L3HYPDH: variants seen among roughly 807,000 people sequenced by gnomAD.
L3HYPDH encodes trans-3-hydroxy-L-proline dehydratase.
Under a neutral mutation model 26.5 loss-of-function variants are expected in L3HYPDH, and 32 were observed. The ratio of observed to expected loss-of-function variants is 1.21; its 90% confidence interval spans 0.91 to 1.62. The LOEUF is 1.62. L3HYPDH is among the 40% of genes most tolerant of loss of function. The probability of loss-of-function intolerance (pLI) is 0.00; values close to 1 mark genes in which losing one functional copy is unlikely to be tolerated. For synonymous variants in L3HYPDH, 215 were observed against 196.6 expected (o/e 1.09, Z -0.78); for missense variants, 554 against 476.4 (o/e 1.16, Z -1.52).
intron 1 of L3HYPDH, among the ~76,000 whole-genome samples, chr14:59,479,562 G>A (rs1889871425): frequency 6.6e-6 from 1 of 152,150 alleles, no homozygotes; most frequent in Non-Finnish European, 1.5e-5. Context: ...GATGATTGCA[G>A]AAGTTATAAA....
intron 2 of L3HYPDH, 48 bp from the exon 3 acceptor site, chr14:59,476,262 A>G (rs1446130489): frequency 1.5e-6 from 2 of 1,371,398 alleles, no homozygotes; most frequent in African/African-American, 1.5e-5. Flanking sequence ...ATTTTGATTC[A>G]AATTTATAAA....
downstream of L3HYPDH, among the ~76,000 whole-genome samples, chr14:59,468,105 T>C (rs1365814340): frequency 6.6e-6 from 1 of 152,196 alleles, no homozygotes; most frequent in Admixed American, 6.5e-5. Flanking sequence ...CTCTTCTAAT[T>C]AGGCCAGTGT....
intron 1 of L3HYPDH, among the ~76,000 whole-genome samples, chr14:59,467,505 C>T (rs189571582): frequency 6.6e-6 from 1 of 152,310 alleles, no homozygotes; most frequent in Non-Finnish European, 1.5e-5. Flanking sequence ...TCATCTTTCT[C>T]AGTGTCCTCT....
At chr14:59,498,780 T>A in the L3HYPDH span, 2 of 1,605,614 alleles carry the variant, frequency 1.2e-6, no homozygotes, top group Non-Finnish European at 1.7e-6. Context: ...ATGATGCTGC[T>A]CCGACCTCTT....
the L3HYPDH span, among the ~76,000 whole-genome samples, chr14:59,495,700 AT>A: frequency 6.6e-6 from 1 of 152,164 alleles, no homozygotes; most frequent in African/African-American, 2.4e-5. Context: ...TCATTTTGAT[AT>A]TTTTTGGGGG....
At chr14:59,484,953 C>T (rs1367296058), upstream of L3HYPDH, 1 of 1,513,426 alleles carries the variant, frequency 6.6e-7, no homozygotes, top group South Asian at 1.3e-5. Context: ...AAGCAAGTTG[C>T]TGCATAATTT....
chr14:59,485,223 C>A, upstream of L3HYPDH: 1 of 1,223,106 alleles, frequency 8.2e-7, no homozygotes, highest in South Asian at 1.4e-5. Context: ...TATTAAGCAT[C>A]TACTAGATGT....
chr14:59,482,423 CCTAA>C (rs1252565915), intron 1 of L3HYPDH, among the ~76,000 whole-genome samples: 3 of 152,264 alleles, frequency 2.0e-5, no homozygotes, highest in African/African-American at 7.2e-5. Context: ...CTGACCCTGC[CCTAA>C]CTGACCCAGA....
At chr14:59,484,411 C>A, upstream of L3HYPDH, 1 of 1,406,232 alleles carries the variant, frequency 7.1e-7, no homozygotes, top group Non-Finnish European at 9.7e-7. Context: ...GGGACGCTAA[C>A]CAGCCACGTC....
At position 59,474,485 on chromosome 14, in the gene L3HYPDH, T is replaced by C. The variant is rs972423572; in HGVS notation, c.939+1384A>G. The C allele has an allele frequency of 5.7e-6, 4 of 699,712 alleles. No individual in the cohort carries two copies. In the African/African-American group the frequency reaches 7.0e-5, roughly 12 times the overall value. The allele number at this position is 699,712 out of a possible 1,614,324, so 43.3% of individuals were successfully genotyped here. A position where few individuals can be genotyped will look rare whatever the true frequency, so the allele number is the denominator to read the frequency against. On this transcript the variant is annotated intron_variant, in intron 4 of 4. Coordinates refer to ENST00000247194, the MANE Select transcript of L3HYPDH (RefSeq NM_144581.2). The stretch of plus-strand genomic sequence containing the variant: ...TTTGGTCTCTCGGCTCCCTCTCTAT[T>C]TGGGGGGACATTGCAATCCCAGATT...
chr14:59,483,972 A>C lies in L3HYPDH; in HGVS notation c.345T>G (p.Ala115=), dbSNP rs2296842. The change falls in exon 1 of 5, where the codon GCT becomes GCG. Residue 115 remains alanine (A), a synonymous_variant. Coordinates refer to ENST00000247194, the MANE Select transcript of L3HYPDH (RefSeq NM_144581.2). The part of the protein sequence containing the change: ...GHAVLALGRF[A]LDFGLVPAPP... ...GCGCCGGCACAAGCCCGAAGTCCAA[A>C]GCGAAGCGGCCCAGCGCCAGCACTG... is the stretch of plus-strand genomic sequence containing the variant. The C allele has an allele frequency of 0.25, 398,384 of 1,571,960 alleles. 52,551 individuals carry two copies. Among genetic ancestry groups the C allele is most frequent in the South Asian group, 0.41 (35,847 of 87,534 alleles).
rs201992322 is a variant in L3HYPDH, at chr14:59,484,352, C to T, written c.-36G>A. 5 of 1,549,546 alleles carry T rather than the reference C, an allele frequency of 3.2e-6. No homozygotes were observed. In the Admixed American group the frequency reaches 8.9e-5, roughly 27 times the overall value. On this transcript the variant is annotated 5_prime_UTR_variant, in exon 1 of 5. Transcript: ENST00000247194. The stretch of plus-strand genomic sequence containing the variant: ...GGGGGAGACGAGTACGGTCCCGCAG[C>T]TATGGCTTCAAGCCCGACCCTCACC...
rs181483789 is a variant in L3HYPDH, at chr14:59,479,609, T to A, written c.509-258A>T. Among the ~76,000 whole-genome samples, 939 of 152,302 alleles carry A rather than the reference T, an allele frequency of 6.2e-3. 4 individuals are homozygous for A. Among genetic ancestry groups the A allele is most frequent in the Non-Finnish European group, 9.5e-3 (646 of 68,018 alleles). ...CTTTCCCTAACTCATACAGACATAT[T>A]CATTAACTTCCCTGAGGATCTTTTC... On this transcript the variant is annotated intron_variant, in intron 1 of 4. Coordinates refer to ENST00000247194, the MANE Select transcript of L3HYPDH (RefSeq NM_144581.2).
intron 4 of L3HYPDH, 76 bp from the exon 5 acceptor site, chr14:59,473,166 A>T (rs1333758499): frequency 7.3e-7 from 1 of 1,367,354 alleles, no homozygotes; most frequent in Non-Finnish European, 9.8e-7. Context: ...TGTACTCTTG[A>T]CTTTTATCAT....
chr14:59,503,597 G>A, the L3HYPDH span, among the ~76,000 whole-genome samples: 1 of 152,112 alleles, frequency 6.6e-6, no homozygotes, highest in Non-Finnish European at 1.5e-5. Context: ...GCATAGACTA[G>A]GACTTAAGAG....
chr14:59,494,685 T>C, the L3HYPDH span, among the ~76,000 whole-genome samples: 99 of 152,312 alleles, frequency 6.5e-4, no homozygotes, highest in Non-Finnish European at 7.6e-4. Flanking sequence ...TATAATATTA[T>C]AATTACTATA....
In L3HYPDH at chr14:59,484,105, C is replaced by T. The variant is rs1404211848; in HGVS notation, c.212G>A (p.Gly71Glu). The stretch of plus-strand genomic sequence containing the variant: ...GACCGCCCCGTACATGTCCCGGTGC[C>T]CTCGGGGCTCGAACATGAGCCGTCG... ...VRRRLMFEPR[G>E]HRDMYGAVLV... Residue 71 changes from glycine to glutamate, a missense_variant, in exon 1 of 5, where the codon GGG (glycine) becomes GAG (glutamate). Gly to Glu is a moderately conservative substitution (Grantham distance 98, BLOSUM62 -2). Coordinates refer to ENST00000247194, the MANE Select transcript of L3HYPDH (RefSeq NM_144581.2). 1 of 1,604,950 alleles carries T rather than the reference C, an allele frequency of 6.2e-7. No individual in the cohort carries two copies. Among genetic ancestry groups the T allele is most frequent in the African/African-American group, 1.3e-5 (1 of 74,902 alleles).
intron 4 of L3HYPDH, chr14:59,474,530 T>C: frequency 2.9e-6 from 2 of 700,000 alleles, no homozygotes; most frequent in Non-Finnish European, 5.2e-6. Context: ...ACAGCTCCTA[T>C]AATATAAAGC....
chr14:59,501,036 T>C, the L3HYPDH span: 5 of 567,322 alleles, frequency 8.8e-6, no homozygotes, highest in Non-Finnish European at 1.5e-5. Flanking sequence ...CAGAAAAAGC[T>C]TGCTGGCCAC....
Sources: allele counts gnomAD v4.1 joint callset (sites outside exome capture counted in the v4.1 genomes callset), GRCh38; gene constraint gnomAD v4.1.1; transcripts MANE v1.5; gene names NCBI Gene and HGNC (gene_info 2026-07-23, HGNC 2026-07-21).